Variants in RRBP1 observed in about 807,000 individuals in gnomAD.
RRBP1 encodes the protein ribosome-binding protein 1.
Under a neutral mutation model 165.2 loss-of-function variants are expected in RRBP1, and 94 were observed. The ratio of observed to expected loss-of-function variants is 0.57; its 90% CI spans 0.48 to 0.68. The LOEUF (loss-of-function observed/expected upper bound fraction) is 0.68. RRBP1 is among the 30% of genes least tolerant of loss of function. The pLI is 0.00. For synonymous variants in RRBP1, 680 were observed against 714.5 expected, an observed-to-expected ratio of 0.95 and a Z score of 0.77; for missense variants, 1,676 against 1,763.0, an observed-to-expected ratio of 0.95 and a Z score of 0.88.
At position 17,624,674 on chromosome 20, in the gene RRBP1, G is replaced by A. The variant is rs1568757027; in HGVS notation, c.3055-6C>T. ...CAGTTCTTCTCCCGGAGGTCCTGGA[G>A]GGGACACAGGTGAAAGGTCAGCAGC... On this transcript the variant is annotated splice_region_variant and splice_polypyrimidine_tract_variant and intron_variant, in intron 12 of 24. Transcript: ENST00000377813. 2 of 1,568,962 alleles carry A rather than the reference G, an allele frequency of 1.3e-6. No individual in the cohort carries two copies. The highest frequency in any genetic ancestry group is 1.7e-4 in the Middle Eastern group (1 of 5,908).
intron 24 of RRBP1, 30 bp downstream of exon 24, chr20:17,614,707 T>TC (rs761224153): frequency 4.3e-5 from 69 of 1,607,194 alleles, no homozygotes; most frequent in Non-Finnish European, 3.9e-5. Flanking sequence ...GCTCGACTCC[T>TC]CCCGCCCTGC....
chr20:17,643,135 G>A lies in RRBP1; in HGVS notation c.1913-8C>T, dbSNP rs1156785671. ...CGTCGGCATCTGGGGGCCCTGTGCAGCAAGAGGGAAAGAGCTGAGACTTAG... is the reference window on the plus strand; with the variant it reads ...CGTCGGCATCTGGGGGCCCTGTGCAACAAGAGGGAAAGAGCTGAGACTTAG... On this transcript the variant is annotated splice_polypyrimidine_tract_variant and splice_region_variant and intron_variant, in intron 3 of 24. Transcript: ENST00000377813. This position sits in a 1 kb window ranked among gnomAD's most constrained non-coding sequence, Gnocchi z 4.3. 3 of 1,613,158 alleles carry A rather than the reference G, an allele frequency of 1.9e-6. No homozygotes were observed. The highest frequency in any genetic ancestry group is 2.5e-6 in the Non-Finnish European group (3 of 1,179,824).
Position 17,641,902 on chromosome 20 carries a change from G to C in RRBP1, c.2079C>G (p.Asp693Glu), listed in dbSNP as rs151149317. Residue 693 changes from aspartate (D) to glutamate (E), a missense_variant, in exon 5 of 25, where the codon GAC becomes GAG. By Grantham distance (45) the Asp-to-Glu change is conservative. Coordinates refer to ENST00000377813, the MANE Select transcript of RRBP1 (RefSeq NM_001365613.2). The stretch of plus-strand genomic sequence containing the variant: ...GCTGGCGTTTCAGAATCGCCACAGG[G>C]TCACCCTTCTGAGTGGCCTAGAAAT... ...DTWHKATQKG[D>E]PVAILKRQLE... 1.9e-5 allele frequency: 30 copies of C among 1,613,832 alleles called. No homozygotes were observed. The African/African-American group carries it at 3.5e-4, about 19-fold the overall frequency.
In RRBP1 at chr20:17,616,676, G is replaced by A. The variant is rs899904258; in HGVS notation, c.3867+56C>T. 15 of 1,213,110 alleles carry A rather than the reference G, an allele frequency of 1.2e-5. 1 individual carries two copies. The highest frequency in any genetic ancestry group is 7.8e-5 in the Admixed American group (4 of 51,322). 75.1% of individuals were successfully genotyped at this position (1,213,110 alleles called of 1,614,324 possible). On this transcript the variant is annotated intron_variant, in intron 21 of 24. Coordinates refer to ENST00000377813, the MANE Select transcript of RRBP1 (RefSeq NM_001365613.2). Reference sequence around the variant, plus strand: ...GGTTTAGTCCGAACGGAGGCAGCAGGGCCTGCACTCTTCTGGGATTAGTGA... The same window carrying A: ...GGTTTAGTCCGAACGGAGGCAGCAGAGCCTGCACTCTTCTGGGATTAGTGA...
At chr20:17,662,423 G>A (rs1472569903) in intron 2 of RRBP1, among the ~76,000 whole-genome samples, 2 of 152,150 alleles carry the variant, frequency 1.3e-5, no homozygotes, top group Non-Finnish European at 2.9e-5. Context: ...CAGCTGCTGT[G>A]GCAACACACT....
chr20:17,668,713 G>A (rs2036916415), intron 2 of RRBP1, among the ~76,000 whole-genome samples: 1 of 152,230 alleles, frequency 6.6e-6, no homozygotes, highest in Non-Finnish European at 1.5e-5. Context: ...GTGGATGTGA[G>A]AGAAGGCTCA....
chr20:17,642,934 A>C, intron 4 of RRBP1, 45 bp downstream of exon 4: 2 of 1,598,710 alleles, frequency 1.3e-6, no homozygotes, highest in Non-Finnish European at 8.6e-7. Flanking sequence ...CACCCTAGCC[A>C]GCTGCAGTGG....
At chr20:17,626,413 A>G (rs3790327) in intron 11 of RRBP1, among the ~76,000 whole-genome samples, 89,646 of 152,042 alleles carry the variant, frequency 0.59, 29,693 homozygotes, top group Middle Eastern at 0.81. Flanking sequence ...CCCTCAGGGC[A>G]GCTGGCTTCC....
At chr20:17,628,067 C>T (rs899204638) in intron 9 of RRBP1, among the ~76,000 whole-genome samples, 1 of 152,078 alleles carries the variant, frequency 6.6e-6, no homozygotes, top group Non-Finnish European at 1.5e-5. Flanking sequence ...ACACCTCCCC[C>T]ACCTCCCTGG....
At chr20:17,624,163 A>C (rs2035967167) in intron 13 of RRBP1, among the ~76,000 whole-genome samples, 1 of 152,242 alleles carries the variant, frequency 6.6e-6, no homozygotes, top group African/African-American at 2.4e-5. Flanking sequence ...TCTCTTGGAA[A>C]GGAGCAAGTG....
chr20:17,667,781 T>C (rs1437579514), intron 2 of RRBP1, among the ~76,000 whole-genome samples: 1 of 152,234 alleles, frequency 6.6e-6, no homozygotes, highest in Non-Finnish European at 1.5e-5. Context: ...TTCCTTTTTT[T>C]AGGGTCTTGC....
intron 2 of RRBP1, among the ~76,000 whole-genome samples, chr20:17,678,194 A>T (rs2037117191): frequency 6.6e-6 from 1 of 152,232 alleles, no homozygotes; most frequent in South Asian, 2.1e-4. Context: ...GTCTCCTAGG[A>T]GGCCCCTGAA....
chr20:17,641,698 G>A, intron 5 of RRBP1, 99 bp downstream of exon 5: 1 of 1,434,716 alleles, frequency 7.0e-7, no homozygotes, highest in Non-Finnish European at 9.7e-7. Flanking sequence ...GTTCCAGGCA[G>A]GCCCCAGCAT....
chr20:17,641,756 CG>C (rs2036364731), intron 5 of RRBP1, 40 bp downstream of exon 5: 2 of 1,607,510 alleles, frequency 1.2e-6, no homozygotes, highest in South Asian at 2.2e-5. Flanking sequence ...CCTCTGAGGA[CG>C]GGAGAGGACA....
intron 9 of RRBP1, among the ~76,000 whole-genome samples, chr20:17,628,703 C>T (rs2036083422): frequency 6.6e-6 from 1 of 152,262 alleles, no homozygotes; most frequent in South Asian, 2.1e-4. Context: ...TTCATTCCCA[C>T]CTCCGGGCCC....
intron 19 of RRBP1, 185 bp from the exon 20 acceptor site, chr20:17,618,864 G>A (rs1009859864): frequency 1.5e-5 from 9 of 600,780 alleles, no homozygotes; most frequent in South Asian, 1.2e-4. Flanking sequence ...TCTTTTTTGA[G>A]GACTTAGGAA....
At chr20:17,633,271 C>T (rs569077566) in intron 8 of RRBP1, among the ~76,000 whole-genome samples, 189 bp downstream of exon 8, 1 of 152,372 alleles carries the variant, frequency 6.6e-6, no homozygotes, top group African/African-American at 2.4e-5. Context: ...TTGATGCCAG[C>T]TGTAACTACT....
chr20:17,644,579 C>G (rs1450562235), intron 3 of RRBP1, among the ~76,000 whole-genome samples: 2 of 152,208 alleles, frequency 1.3e-5, no homozygotes, highest in Non-Finnish European at 2.9e-5. Context: ...AAAGACACCT[C>G]TGTAGTTACA....
chr20:17,628,218 C>T (rs1003270377), intron 9 of RRBP1, among the ~76,000 whole-genome samples: 3 of 152,176 alleles, frequency 2.0e-5, no homozygotes, highest in African/African-American at 7.2e-5. Context: ...TAAGTGTCAT[C>T]TTCGTGCCTC....
Sources: allele counts gnomAD v4.1 joint callset (sites outside exome capture counted in the v4.1 genomes callset), GRCh38; gene constraint gnomAD v4.1.1; non-coding constraint Gnocchi (gnomAD v3.1); transcripts MANE v1.5; gene names NCBI Gene and HGNC (gene_info 2026-07-23, HGNC 2026-07-21).